The following GLIS3 variants were observed in gnomAD, a reference collection of about 807,000 sequenced individuals.
GLIS3 encodes the protein zinc finger protein GLIS3.
Under a neutral mutation model 78.6 loss-of-function variants are expected in GLIS3, and 53 were observed. That is an observed-to-expected ratio of 0.67 (90% CI 0.54 to 0.85). The LOEUF (loss-of-function observed/expected upper bound fraction) is 0.85. Among genes scored for constraint, GLIS3 ranks in the 40% least tolerant of loss-of-function variants. The probability of loss-of-function intolerance (pLI) is 0.00; values close to 1 mark genes in which losing one functional copy is unlikely to be tolerated. For missense variants in GLIS3, 1,703 were observed against 1,231.1 expected, an observed-to-expected ratio of 1.38 and a Z score of -5.74; for synonymous variants, 684 against 509.9, an observed-to-expected ratio of 1.34 and a Z score of -4.60.
intron 8 of GLIS3, among the ~76,000 whole-genome samples, chr9:3,863,903 G>A (rs1010130918): frequency 5.9e-5 from 9 of 152,178 alleles, no homozygotes; most frequent in African/African-American, 2.2e-4. Flanking sequence ...AAGAAAAAGG[G>A]AGGAGGGGAG....
chr9:3,874,177 T>C (rs1233656959), intron 8 of GLIS3, among the ~76,000 whole-genome samples: 2 of 152,134 alleles, frequency 1.3e-5, no homozygotes, highest in Non-Finnish European at 2.9e-5. Flanking sequence ...ACTTTCAGCC[T>C]CAACCCCCAA....
chr9:3,898,432 GGGTA>G, intron 7 of GLIS3: 1 of 515,882 alleles, frequency 1.9e-6, no homozygotes, highest in South Asian at 2.0e-5. Context: ...TGCGAGGGTT[GGGTA>G]CACTGAATTT....
At chr9:4,283,081 G>A (rs1057264995) in intron 2 of GLIS3, among the ~76,000 whole-genome samples, 5 of 93,730 alleles carry the variant, frequency 5.3e-5, no homozygotes, top group East Asian at 2.7e-4. Context: ...AAATATATGC[G>A]TGCACACACA....
chr9:4,382,023 C>T, the GLIS3 span, among the ~76,000 whole-genome samples: 1 of 152,182 alleles, frequency 6.6e-6, no homozygotes, highest in Non-Finnish European at 1.5e-5. Flanking sequence ...AGTTTCATTC[C>T]CCCAGTTCCT....
chr9:4,245,291 C>T (rs1000249127), intron 2 of GLIS3, among the ~76,000 whole-genome samples: 1 of 152,168 alleles, frequency 6.6e-6, no homozygotes, highest in Admixed American at 6.5e-5. Context: ...TGGTCCACAG[C>T]CCTCAGCATT....
Position 4,033,420 on chromosome 9 carries a change from C to G in GLIS3, c.1710+84348G>C, listed in dbSNP as rs149350545. 1.8e-3 allele frequency among the ~76,000 whole-genome samples: 274 copies of G among 152,228 alleles called. 1 individual carries two copies. The highest frequency in any genetic ancestry group is 6.4e-3 in the African/African-American group (264 of 41,538). ...GCCATTTGGGTAGAGAATTTTAAGGCCCCAAATATCCACAGCAAGGTCTAG... is the reference window on the plus strand; with the variant it reads ...GCCATTTGGGTAGAGAATTTTAAGGGCCCAAATATCCACAGCAAGGTCTAG... On this transcript the variant is annotated intron_variant, in intron 4 of 10. Transcript: ENST00000381971.
intron 2 of GLIS3, among the ~76,000 whole-genome samples, chr9:4,339,123 A>C (rs1044084315): frequency 6.6e-6 from 1 of 152,224 alleles, no homozygotes; most frequent in East Asian, 1.9e-4. Context: ...GGATAAACTC[A>C]ACACCTCAGT....
intron 4 of GLIS3, among the ~76,000 whole-genome samples, chr9:4,065,964 G>C (rs1251571965): frequency 2.0e-5 from 3 of 151,030 alleles, no homozygotes; most frequent in Non-Finnish European, 4.4e-5. Flanking sequence ...GAGACTTCCT[G>C]GTGAAAAGGT....
At chr9:4,397,671 AGGGAGGAAGGGAGGGAGGGAGGG>A in the GLIS3 span, among the ~76,000 whole-genome samples, 6 of 7,380 alleles carry the variant, frequency 8.1e-4, no homozygotes, top group East Asian at 3.1e-3. Context: ...GAAGGAAGGG[AGGGAGGAAGGGAGGGAGGGAGGG>A]AGGGAGGGAG....
At chr9:4,143,539 C>G (rs1444461620) in intron 2 of GLIS3, among the ~76,000 whole-genome samples, 1 of 151,328 alleles carries the variant, frequency 6.6e-6, no homozygotes, top group Non-Finnish European at 1.5e-5. Flanking sequence ...TGCACTCCAG[C>G]CTGGGCGACA....
At chr9:4,429,147 C>G in the GLIS3 span, among the ~76,000 whole-genome samples, 1 of 152,188 alleles carries the variant, frequency 6.6e-6, no homozygotes, top group Admixed American at 6.5e-5. Flanking sequence ...TTCCTCCCAT[C>G]TGATGTCCTC....
At chr9:3,915,892 A>G (rs1192328497) in intron 6 of GLIS3, among the ~76,000 whole-genome samples, 4 of 152,232 alleles carry the variant, frequency 2.6e-5, no homozygotes, top group South Asian at 2.1e-4. Context: ...ATAAAAAGGC[A>G]TATCTCTCTT....
intron 6 of GLIS3, among the ~76,000 whole-genome samples, chr9:3,899,172 G>C (rs947596043): frequency 6.6e-6 from 1 of 152,104 alleles, no homozygotes; most frequent in Non-Finnish European, 1.5e-5. Flanking sequence ...ACAAACTCAA[G>C]TAGATTTAGT....
chr9:4,032,430 T>A (rs187475462), intron 4 of GLIS3, among the ~76,000 whole-genome samples: 1 of 152,128 alleles, frequency 6.6e-6, no homozygotes, highest in East Asian at 1.9e-4. Context: ...TTCTTCTGCA[T>A]AGAATGCTTT....
chr9:4,121,985 T>A (rs1253833317), intron 3 of GLIS3, among the ~76,000 whole-genome samples: 1 of 152,236 alleles, frequency 6.6e-6, no homozygotes, highest in African/African-American at 2.4e-5. Context: ...CAATCTCCAT[T>A]TCCATATGCT....
At chr9:4,329,222 G>A (rs1235351484) in intron 2 of GLIS3, among the ~76,000 whole-genome samples, 1 of 152,012 alleles carries the variant, frequency 6.6e-6, no homozygotes, top group African/African-American at 2.4e-5. Context: ...ATAATGTTCT[G>A]AGTCCACGAC....
rs149419848 is a variant in GLIS3, at chr9:4,224,905, C to A, written c.388+61133G>T. ...ATGTAATGTTCTGGTATACATAATT[C>A]TATGCCAAGATTTAGATCACGATTA... On this transcript the variant is annotated intron_variant, in intron 2 of 10. Coordinates refer to ENST00000381971, the MANE Select transcript of GLIS3 (RefSeq NM_001042413.2). Among the ~76,000 whole-genome samples the A allele has an allele frequency of 8.0e-3, 1,220 of 151,930 alleles. 8 individuals carry two copies. The highest frequency in any genetic ancestry group is 0.011 in the Non-Finnish European group (748 of 67,960).
At chr9:4,034,164 G>C (rs1824116886) in intron 4 of GLIS3, among the ~76,000 whole-genome samples, 2 of 152,180 alleles carry the variant, frequency 1.3e-5, no homozygotes, top group Non-Finnish European at 1.5e-5. Context: ...AGGAGGTCAA[G>C]TCTCAGTGAT....
intron 4 of GLIS3, among the ~76,000 whole-genome samples, chr9:4,040,641 A>G (rs632562): frequency 0.32 from 49,182 of 152,076 alleles, 8,853 homozygotes; most frequent in East Asian, 0.58. Context: ...TTGGAGAACT[A>G]TTAATGTGGA....
Sources: gnomAD v4.1 joint callset for allele counts (sites outside exome capture counted in the v4.1 genomes callset) on GRCh38, gnomAD v4.1.1 for gene constraint, MANE v1.5 for transcripts, NCBI Gene and HGNC (gene_info 2026-07-23, HGNC 2026-07-21) for gene names.